The following ANKRD13C variants were observed in gnomAD, a reference collection of about 807,000 sequenced individuals.
The protein encoded by ANKRD13C is ankyrin repeat domain-containing protein 13C.
Under a neutral mutation model 65.5 loss-of-function variants are expected in ANKRD13C, and 16 were observed. The observed-to-expected ratio is 0.24, with a 90% CI of 0.17 to 0.37. ANKRD13C has a LOEUF of 0.37. Ranked by LOEUF, ANKRD13C falls within the 10% of genes least tolerant of loss-of-function variation. The probability of loss-of-function intolerance (pLI) is 1.00; values close to 1 mark genes in which losing one functional copy is unlikely to be tolerated. For synonymous variants in ANKRD13C, 235 were observed against 238.7 expected (o/e 0.98, Z 0.14); for missense variants, 503 against 655.9 (o/e 0.77, Z 2.55).
At chr1:70,327,466 G>A (rs1681590225) in intron 2 of ANKRD13C, among the ~76,000 whole-genome samples, 1 of 152,156 alleles carries the variant, frequency 6.6e-6, no homozygotes, top group Non-Finnish European at 1.5e-5. Flanking sequence ...CACAAAGGTG[G>A]GGAAAAGGTG....
chr1:70,284,036 T>G (rs1328356973), intron 9 of ANKRD13C, among the ~76,000 whole-genome samples: 1 of 152,126 alleles, frequency 6.6e-6, no homozygotes, highest in African/African-American at 2.4e-5. Context: ...TCAAAAATTC[T>G]GTCAAAAATA....
In ANKRD13C at chr1:70,329,679, G is replaced by A. The variant is rs532644759; in HGVS notation, c.473-4722C>T. Among the ~76,000 whole-genome samples, 9 of 152,240 alleles carry A rather than the reference G, an allele frequency of 5.9e-5. No individual in the cohort carries two copies. In the East Asian group the frequency reaches 1.7e-3, roughly 29 times the overall value. On this transcript the variant is annotated intron_variant, in intron 2 of 12. Coordinates refer to ENST00000370944, the MANE Select transcript of ANKRD13C (RefSeq NM_030816.5). The stretch of plus-strand genomic sequence containing the variant: ...TTTCTGATATGCCACAGACCCAGCA[G>A]AAAAGATGCCCTTCACGCACTAGTC...
chr1:70,292,769 A>G (rs889249085), intron 8 of ANKRD13C, among the ~76,000 whole-genome samples: 1 of 152,168 alleles, frequency 6.6e-6, no homozygotes, highest in Non-Finnish European at 1.5e-5. Context: ...CAAATCAGTA[A>G]AGAGAAATTT....
At chr1:70,280,902 T>C (rs1572043795) in intron 9 of ANKRD13C, among the ~76,000 whole-genome samples, 1 of 151,988 alleles carries the variant, frequency 6.6e-6, no homozygotes, top group Non-Finnish European at 1.5e-5. Flanking sequence ...TGTTTAAAAA[T>C]GGAAGGACAG....
chr1:70,315,492 C>T lies in ANKRD13C; in HGVS notation c.652G>A (p.Ala218Thr), dbSNP rs779898112. The T allele has an allele frequency of 1.2e-6, 2 of 1,600,136 alleles. No homozygotes were observed. The highest frequency in any genetic ancestry group is 1.7e-6 in the Non-Finnish European group (2 of 1,171,646). Residue 218 changes from alanine (A) to threonine (T), a missense_variant, in exon 4 of 13, where the codon GCC becomes ACC. Ala to Thr is a moderately conservative substitution (Grantham distance 58). This residue lies in a region of ANKRD13C where 300 missense variants were observed against 478.3 expected (regional missense o/e 0.63). Transcript: ENST00000370944. ...VEEKRPRLLK[A>T]LKELGDFYLE... is the part of the protein sequence containing the mutation. ...GAAATATAGCTTACCTCTTTCAGGG[C>T]TTTTAATAATCGAGGTCGTTTTTCT...
chr1:70,267,418 T>C (rs553381215), intron 12 of ANKRD13C, among the ~76,000 whole-genome samples: 93 of 152,258 alleles, frequency 6.1e-4, no homozygotes, highest in Non-Finnish European at 1.2e-3. Context: ...CAGGCTGGAA[T>C]GAGTACAGTG....
intron 3 of ANKRD13C, among the ~76,000 whole-genome samples, chr1:70,321,231 CA>C (rs1681293405): frequency 1.3e-5 from 2 of 152,072 alleles, no homozygotes; most frequent in Non-Finnish European, 2.9e-5. Context: ...TCAAGATACA[CA>C]GAGTAGGGAA....
chr1:70,291,061 T>C (rs1679845317), intron 9 of ANKRD13C, among the ~76,000 whole-genome samples: 1 of 151,928 alleles, frequency 6.6e-6, no homozygotes, highest in Non-Finnish European at 1.5e-5. Flanking sequence ...AGACGGAGTT[T>C]CGCTCTTGTT....
In ANKRD13C at chr1:70,310,009, G is replaced by A. The variant is rs114341248; in HGVS notation, c.710-3719C>T. Reference sequence around the variant, plus strand: ...CCTCATTTTAAAAATGAAGAATAAAGCTCAGAAAACATATAAAATATGTGA... The same window carrying A: ...CCTCATTTTAAAAATGAAGAATAAAACTCAGAAAACATATAAAATATGTGA... On this transcript the variant is annotated intron_variant, in intron 5 of 12. Transcript: ENST00000370944. Among the ~76,000 whole-genome samples the A allele has an allele frequency of 8.4e-3, 1,274 of 152,114 alleles. 11 individuals are homozygous for A. The highest frequency in any genetic ancestry group is 0.014 in the Middle Eastern group (4 of 294).
At chr1:70,331,939 AGTTT>A (rs948801640) in intron 2 of ANKRD13C, among the ~76,000 whole-genome samples, 1 of 152,146 alleles carries the variant, frequency 6.6e-6, no homozygotes, top group African/African-American at 2.4e-5. Context: ...CAGACTTTCA[AGTTT>A]GTTTGAGTTA....
Position 70,262,595 on chromosome 1 carries a change from G to A in ANKRD13C, c.*122C>T. ...CATTTCACTGTATCGTATTACTGAT[G>A]TGTCGATTCAATGTGTAATTCCCTT... On this transcript the variant is annotated 3_prime_UTR_variant, in exon 13 of 13. Coordinates refer to ENST00000370944, the MANE Select transcript of ANKRD13C (RefSeq NM_030816.5). 1 of 1,097,038 alleles carries A rather than the reference G, an allele frequency of 9.1e-7. No homozygotes were observed. The highest frequency in any genetic ancestry group is 1.3e-6 in the Non-Finnish European group (1 of 784,690). The allele number at this position is 1,097,038 out of a possible 1,614,324, so 68.0% of individuals were successfully genotyped here.
At chr1:70,314,550 A>G (rs1414351430) in intron 4 of ANKRD13C, among the ~76,000 whole-genome samples, 1 of 152,102 alleles carries the variant, frequency 6.6e-6, no homozygotes, top group African/African-American at 2.4e-5. Flanking sequence ...TTTGCAAATT[A>G]GAAGCTAGAC....
intron 1 of ANKRD13C, among the ~76,000 whole-genome samples, chr1:70,346,033 T>C (rs763493112): frequency 1.3e-5 from 2 of 152,102 alleles, no homozygotes; most frequent in Non-Finnish European, 1.5e-5. Context: ...GGTCTCACTA[T>C]GTTGACCAGG....
chr1:70,300,938 G>A, intron 6 of ANKRD13C, 30 bp from the exon 7 acceptor site: 2 of 1,582,162 alleles, frequency 1.3e-6, no homozygotes, highest in Non-Finnish European at 1.7e-6. Context: ...GATAAACTCT[G>A]ACAAATATAA....
chr1:70,313,766 GAAGTTCTAGATAA>G lies in ANKRD13C; in HGVS notation c.675_687del (p.Tyr226ThrfsTer36). The stretch of plus-strand genomic sequence containing the variant: ...TTACCCCAGCTTTGAAAATCCCAGT[GAAGTTCTAGATAA>G]AAGTCACCTAGCTGAAAAATGAAAT... On this transcript the variant is annotated frameshift_variant, in exon 5 of 13. Transcript: ENST00000370944. LOFTEE classifies it high-confidence loss of function. The G allele has an allele frequency of 1.2e-6, 2 of 1,609,620 alleles. No homozygotes were observed. Among genetic ancestry groups the G allele is most frequent in the African/African-American group, 1.3e-5 (1 of 74,934 alleles).
intron 9 of ANKRD13C, among the ~76,000 whole-genome samples, chr1:70,291,360 T>G (rs1323406055): frequency 6.6e-6 from 1 of 152,204 alleles, no homozygotes; most frequent in Non-Finnish European, 1.5e-5. Context: ...AAGAATTCTT[T>G]GTATGACTCT....
At chr1:70,287,501 C>T (rs891723316) in intron 9 of ANKRD13C, among the ~76,000 whole-genome samples, 1 of 151,838 alleles carries the variant, frequency 6.6e-6, no homozygotes, top group East Asian at 1.9e-4. Flanking sequence ...TAGAAAAAAA[C>T]ACAGGAGAAA....
At chr1:70,351,462 C>T (rs1056505305) in intron 1 of ANKRD13C, among the ~76,000 whole-genome samples, 3 of 152,078 alleles carry the variant, frequency 2.0e-5, no homozygotes, top group Non-Finnish European at 2.9e-5. Flanking sequence ...TGCAACGGTG[C>T]GATCTTGGCT....
At chr1:70,346,303 G>C (rs1037538203) in intron 1 of ANKRD13C, among the ~76,000 whole-genome samples, 1 of 151,896 alleles carries the variant, frequency 6.6e-6, no homozygotes, top group African/African-American at 2.4e-5. Context: ...AAGTAAAATG[G>C]CCTTGTTTTA....
Sources: gnomAD v4.1 joint callset for allele counts (sites outside exome capture counted in the v4.1 genomes callset) on GRCh38, gnomAD v4.1.1 for gene constraint, gnomAD v4.1.1 regional missense constraint, MANE v1.5 for transcripts, NCBI Gene and HGNC (gene_info 2026-07-23, HGNC 2026-07-21) for gene names.